PDE4C: variants seen among roughly 807,000 people sequenced by gnomAD.
The protein encoded by PDE4C is 3',5'-cyclic-AMP phosphodiesterase 4C.
PDE4C carries 50 observed loss-of-function variants against 63.9 expected under a neutral mutation model. The ratio of observed to expected loss-of-function variants is 0.78; its 90% CI spans 0.62 to 0.99. The LOEUF is 0.99. PDE4C is among the 50% of genes least tolerant of loss of function. PDE4C has a pLI of 0.00. For missense variants in PDE4C, 777 were observed against 899.1 expected, an observed-to-expected ratio of 0.86 and a Z score of 1.74; for synonymous variants, 377 against 385.1, an observed-to-expected ratio of 0.98 and a Z score of 0.25.
At chr19:18,239,436 C>A (rs10405730) in intron 1 of PDE4C, among the ~76,000 whole-genome samples, 4,309 of 152,286 alleles carry the variant, frequency 0.028, 206 homozygotes, top group African/African-American at 0.097. Context: ...TGGTCCAGGG[C>A]AAGCGGCCTC....
exon 8 of PDE4C, chr19:18,219,249 C>T: frequency 6.2e-7 from 1 of 1,614,208 alleles, no homozygotes; most frequent in South Asian, 1.1e-5. Context: ...CCAGTTGCTC[C>T]TCCTGGTCAG....
intron 1 of PDE4C, among the ~76,000 whole-genome samples, chr19:18,223,999 C>T (rs562620622): frequency 1.3e-5 from 2 of 152,320 alleles, no homozygotes; most frequent in South Asian, 4.1e-4. Context: ...CGGGTCCTGC[C>T]CTAGGCTCCC....
At chr19:18,212,689 G>C (rs527395980) in intron 13 of PDE4C, among the ~76,000 whole-genome samples, 1 of 150,102 alleles carries the variant, frequency 6.7e-6, no homozygotes, top group Non-Finnish European at 1.5e-5. Context: ...TTGTTTGTTT[G>C]TTTTGGCTTG....
chr19:18,233,653 A>C, exon 1 of PDE4C: 1 of 376,578 alleles, frequency 2.7e-6, no homozygotes. Context: ...ACCGTGTTGA[A>C]AGAGAAAAAG....
chr19:18,255,337 C>T, the PDE4C span: 1 of 392,580 alleles, frequency 2.5e-6, no homozygotes, highest in Non-Finnish European at 4.4e-6. This position sits in a 1 kb window ranked among gnomAD's most constrained non-coding sequence, Gnocchi z 4.6. Flanking sequence ...GCCACCGGCT[C>T]TGCACAGGTG....
chr19:18,243,165 TG>T (rs1424176179), intron 1 of PDE4C, among the ~76,000 whole-genome samples: 1 of 152,064 alleles, frequency 6.6e-6, no homozygotes, highest in Non-Finnish European at 1.5e-5. Context: ...TGTAGTGTAA[TG>T]GCACAGTCTC....
intron 1 of PDE4C, among the ~76,000 whole-genome samples, chr19:18,240,453 C>T (rs572869940): frequency 2.1e-5 from 3 of 145,134 alleles, no homozygotes; most frequent in Non-Finnish European, 3.0e-5. Flanking sequence ...CGGGGCTGGG[C>T]ACGGTGGCTC....
intron 1 of PDE4C, chr19:18,232,906 G>C (rs1475131815): frequency 7.2e-7 from 1 of 1,395,590 alleles, no homozygotes; most frequent in Non-Finnish European, 9.3e-7. Flanking sequence ...GGCCCCGCGC[G>C]CCCCTCCCCC....
At chr19:18,213,147 G>T (rs544972373) in intron 13 of PDE4C, among the ~76,000 whole-genome samples, 2 of 151,420 alleles carry the variant, frequency 1.3e-5, no homozygotes, top group African/African-American at 2.4e-5. Context: ...AGCTGGGCGC[G>T]GTGCCGGGCA....
At chr19:18,225,875 G>T (rs531633955) in intron 1 of PDE4C, 20 of 180,696 alleles carry the variant, frequency 1.1e-4, no homozygotes, top group African/African-American at 4.5e-4. Flanking sequence ...GGGCACCAAG[G>T]GAAGGAGTGC....
intron 1 of PDE4C, among the ~76,000 whole-genome samples, chr19:18,232,407 G>GTGTGTT (rs1968868991): frequency 6.7e-6 from 1 of 149,908 alleles, no homozygotes; most frequent in Non-Finnish European, 1.5e-5. Context: ...GTGTGTGTGT[G>GTGTGTT]TGCGTGTGTG....
At chr19:18,248,980 G>A (rs766285447), upstream of PDE4C, among the ~76,000 whole-genome samples, 71 of 150,562 alleles carry the variant, frequency 4.7e-4, no homozygotes, top group Non-Finnish European at 7.5e-4. Context: ...AGCTGAGATC[G>A]TGTCACTGCA....
upstream of PDE4C, among the ~76,000 whole-genome samples, chr19:18,229,475 A>G (rs977134337): frequency 1.3e-5 from 2 of 152,136 alleles, no homozygotes; most frequent in Non-Finnish European, 2.9e-5. Flanking sequence ...TCCTGACCTC[A>G]GGTGATCCGT....
At chr19:18,255,078 G>A in the PDE4C span, 1 of 393,188 alleles carries the variant, frequency 2.5e-6, no homozygotes, top group Non-Finnish European at 4.5e-6. The surrounding 1 kb of genome is among the most constrained non-coding windows in gnomAD (Gnocchi z 4.6). Context: ...GTTTCTGGGG[G>A]AAAACCCAGC....
At chr19:18,217,789 C>T (rs771036991) in intron 11 of PDE4C, among the ~76,000 whole-genome samples, 28 of 151,890 alleles carry the variant, frequency 1.8e-4, no homozygotes, top group Non-Finnish European at 3.5e-4. Context: ...CCCAGCTACT[C>T]GGGAGGCTGA....
chr19:18,251,011 G>C (rs1011959418), upstream of PDE4C, among the ~76,000 whole-genome samples: 5 of 152,030 alleles, frequency 3.3e-5, no homozygotes, highest in African/African-American at 1.2e-4. Flanking sequence ...CATTGGCTCA[G>C]GTGATCCACC....
upstream of PDE4C, among the ~76,000 whole-genome samples, chr19:18,233,968 A>C (rs1391924439): frequency 6.6e-6 from 1 of 152,212 alleles, no homozygotes; most frequent in Non-Finnish European, 1.5e-5. Context: ...TGGAGCCCTA[A>C]AACCCCCACC....
In PDE4C at chr19:18,210,773, C is replaced by T. The variant is rs886572678; in HGVS notation, c.*156G>A. 15 of 1,327,022 alleles carry T rather than the reference C, an allele frequency of 1.1e-5. No homozygotes were observed. The African/African-American group carries it at 1.6e-4, about 14-fold the overall frequency. The allele number at this position is 1,327,022 out of a possible 1,614,324, so 82.2% of individuals were successfully genotyped here. A position where few individuals can be genotyped will look rare whatever the true frequency, so the allele number is the denominator to read the frequency against. On this transcript the variant is annotated 3_prime_UTR_variant, in exon 15 of 15. Transcript: ENST00000262805. Reference sequence around the variant, plus strand: ...CCCCAGCCAGGTGCCTCCAATTAGACCCTGGGAGCCACCTATAACTAAGAG... The same window carrying T: ...CCCCAGCCAGGTGCCTCCAATTAGATCCTGGGAGCCACCTATAACTAAGAG...
intron 13 of PDE4C, among the ~76,000 whole-genome samples, chr19:18,212,403 G>C (rs935023082): frequency 6.6e-6 from 1 of 151,296 alleles, no homozygotes; most frequent in African/African-American, 2.4e-5. Flanking sequence ...TCAAACTCCT[G>C]AGCTCAAGCG....
Sources: gnomAD v4.1 joint callset for allele counts (sites outside exome capture counted in the v4.1 genomes callset) on GRCh38, gnomAD v4.1.1 for gene constraint, Gnocchi (gnomAD v3.1) non-coding constraint, MANE v1.5 for transcripts, NCBI Gene and HGNC (gene_info 2026-07-23, HGNC 2026-07-21) for gene names.